The following USP47 variants were observed in gnomAD, a reference collection of about 807,000 sequenced individuals.
USP47 encodes the protein ubiquitin specific peptidase 47, also known as ubiquitin carboxyl-terminal hydrolase 47.
A neutral mutation model predicts 165.1 loss-of-function variants in USP47; 35 were observed. That is an observed-to-expected ratio of 0.21 (90% CI 0.16 to 0.28). The LOEUF is 0.28. Ranked by LOEUF, USP47 falls within the 10% of genes least tolerant of loss-of-function variation. The pLI, the probability that USP47 is intolerant of heterozygous loss-of-function variation, is 1.00. For missense variants in USP47, 1,277 were observed against 1,607.4 expected (o/e 0.79, Z 3.52); for synonymous variants, 531 against 544.5 (o/e 0.98, Z 0.35).
At chr11:11,913,849 A>G (rs1336900562) in intron 8 of USP47, among the ~76,000 whole-genome samples, 1 of 152,148 alleles carries the variant, frequency 6.6e-6, no homozygotes, top group Non-Finnish European at 1.5e-5. Context: ...CTATGCATGT[A>G]TCAAGTATCA....
intron 25 of USP47, among the ~76,000 whole-genome samples, chr11:11,953,630 C>T (rs1856364647): frequency 1.3e-5 from 2 of 152,134 alleles, no homozygotes; most frequent in Middle Eastern, 6.8e-3. Context: ...TTATTTGAAG[C>T]AGTTATTAAA....
chr11:11,866,715 A>G (rs1054755036), intron 1 of USP47, among the ~76,000 whole-genome samples: 1 of 152,038 alleles, frequency 6.6e-6, no homozygotes, highest in Admixed American at 6.6e-5. Flanking sequence ...CATTCCTGAT[A>G]GATATTTTTG....
At position 11,897,703 on chromosome 11, in the gene USP47, C is replaced by CA. The variant is rs1183224069; in HGVS notation, c.593+17dup. ...GGAATGCATTATATAAGTGAGTATTCAAAAAAATTGTATACATAAAATTGA... is the reference window on the plus strand; with the variant it reads ...GGAATGCATTATATAAGTGAGTATTCAAAAAAAATTGTATACATAAAATTGA... On this transcript the variant is annotated intron_variant, in intron 5 of 27. Coordinates refer to ENST00000527733, the MANE Select transcript of USP47 (RefSeq NM_001282659.2). 20 of 1,538,524 alleles carry CA rather than the reference C, an allele frequency of 1.3e-5. No homozygotes were observed. The highest frequency in any genetic ancestry group is 1.9e-5 in the Admixed American group (1 of 51,804).
chr11:11,877,320 A>G (rs1240794588), intron 1 of USP47, among the ~76,000 whole-genome samples: 3 of 152,182 alleles, frequency 2.0e-5, no homozygotes, highest in Non-Finnish European at 4.4e-5. Flanking sequence ...TGAAGTCCAC[A>G]TGTTATATTA....
At chr11:11,858,488 T>C (rs1013926419) in intron 1 of USP47, among the ~76,000 whole-genome samples, 2 of 152,214 alleles carry the variant, frequency 1.3e-5, no homozygotes, top group African/African-American at 4.8e-5. Flanking sequence ...AGTCAAAATA[T>C]AGAATATATC....
At chr11:11,922,667 G>A in intron 10 of USP47, 57 bp from the exon 11 acceptor site, 2 of 1,443,722 alleles carry the variant, frequency 1.4e-6, no homozygotes, top group African/African-American at 1.4e-5. Flanking sequence ...ACAAAGTTTT[G>A]TTGAACATAT....
intron 1 of USP47, among the ~76,000 whole-genome samples, chr11:11,879,972 C>T (rs963978817): frequency 2.0e-5 from 3 of 151,918 alleles, no homozygotes; most frequent in Non-Finnish European, 4.4e-5. Context: ...TTGATTCTTC[C>T]AAAACAAACA....
chr11:11,932,988 T>A lies in USP47; in HGVS notation c.1652-16T>A. The A allele has an allele frequency of 6.2e-7, 1 of 1,601,768 alleles. No individual in the cohort carries two copies. Among genetic ancestry groups the A allele is most frequent in the Non-Finnish European group, 8.5e-7 (1 of 1,170,822 alleles). ...GTTTCAGTGACACTGTCTTATCCTG[T>A]TTTTATTACTAATAGAATTTCTAGA... On this transcript the variant is annotated splice_polypyrimidine_tract_variant and intron_variant, in intron 14 of 27. Coordinates refer to ENST00000527733, the MANE Select transcript of USP47 (RefSeq NM_001282659.2).
At chr11:11,891,471 T>C (rs1027579725) in intron 3 of USP47, among the ~76,000 whole-genome samples, 7 of 152,266 alleles carry the variant, frequency 4.6e-5, no homozygotes, top group Admixed American at 1.3e-4. Context: ...CTGAGTGACA[T>C]TGAAATCTAA....
chr11:11,860,964 G>C (rs1390077011), intron 1 of USP47, among the ~76,000 whole-genome samples: 1 of 152,144 alleles, frequency 6.6e-6, no homozygotes. Flanking sequence ...GAAGGCCTCT[G>C]TTATTTAGAA....
At chr11:11,953,432 A>G (rs1350150715) in intron 25 of USP47, among the ~76,000 whole-genome samples, 1 of 152,110 alleles carries the variant, frequency 6.6e-6, no homozygotes, top group Non-Finnish European at 1.5e-5. Context: ...ACTAGGTGAA[A>G]ATATGTAAAA....
intron 20 of USP47, among the ~76,000 whole-genome samples, chr11:11,944,955 T>G (rs1248109785): frequency 6.6e-6 from 1 of 152,210 alleles, no homozygotes; most frequent in Non-Finnish European, 1.5e-5. Context: ...TTGAAAAGTC[T>G]CATTTCCATC....
At position 11,948,669 on chromosome 11, in the gene USP47, T is replaced by A. The variant is rs981790176; in HGVS notation, c.3348+111T>A. On this transcript the variant is annotated intron_variant, in intron 22 of 27. Transcript: ENST00000527733. ...TTCTCTGAAGCAAAGGTCAGCAAAT[T>A]TTTTCTGGGCCTTGCAGTTTAGCAG... 2.4e-5 allele frequency: 24 copies of A among 1,013,548 alleles called. No individual in the cohort carries two copies. The African/African-American group carries it at 3.3e-4, about 14-fold the overall frequency. The allele number at this position is 1,013,548 out of a possible 1,614,324, so 62.8% of individuals were successfully genotyped here. A position where few individuals can be genotyped will look rare whatever the true frequency, so the allele number is the denominator to read the frequency against.
chr11:11,883,386 A>G (rs1325205519), intron 2 of USP47, among the ~76,000 whole-genome samples: 3 of 152,202 alleles, frequency 2.0e-5, no homozygotes, highest in Non-Finnish European at 4.4e-5. Context: ...TCTATGAGGT[A>G]GATGCTACTA....
chr11:11,950,397 T>C lies in USP47; in HGVS notation c.3498T>C (p.Pro1166=), dbSNP rs1168349684. ...TAAGGAAAAAAACATGGAAGAATCC[T>C]GGCACTGTCTTTTTGGATTATCATA... ...FRLRKKTWKN[P]GTVFLDYHIY... is the part of the protein sequence containing the mutation. Residue 1166 remains proline, a synonymous_variant, in exon 24 of 28, where the codon CCT becomes CCC. Transcript: ENST00000527733. 6.2e-6 allele frequency: 10 copies of C among 1,606,374 alleles called. No individual in the cohort carries two copies. The highest frequency in any genetic ancestry group is 1.7e-5 in the Admixed American group (1 of 58,674).
intron 10 of USP47, 125 bp from the exon 11 acceptor site, chr11:11,922,597 CAA>C (rs1853912992): frequency 2.9e-6 from 2 of 690,436 alleles, no homozygotes; most frequent in Non-Finnish European, 4.2e-6. Flanking sequence ...TAAATGTACT[CAA>C]AGTAAAATAT....
chr11:11,895,265 G>A (rs367594068), intron 4 of USP47, among the ~76,000 whole-genome samples: 2 of 151,850 alleles, frequency 1.3e-5, no homozygotes, highest in Non-Finnish European at 2.9e-5. Context: ...GTCTTTGTTC[G>A]CATTTACTGT....
chr11:11,876,591 C>T (rs1243385651), intron 1 of USP47, among the ~76,000 whole-genome samples: 2 of 152,192 alleles, frequency 1.3e-5, no homozygotes, highest in African/African-American at 4.8e-5. Context: ...TCTAGAATTA[C>T]TTGGCTCCAT....
At chr11:11,865,821 T>G (rs1309091690) in intron 1 of USP47, among the ~76,000 whole-genome samples, 2 of 152,222 alleles carry the variant, frequency 1.3e-5, no homozygotes, top group African/African-American at 4.8e-5. Flanking sequence ...TATTTTTACA[T>G]ATTCTTTGGA....
Sources: allele counts gnomAD v4.1 joint callset (sites outside exome capture counted in the v4.1 genomes callset), GRCh38; gene constraint gnomAD v4.1.1; transcripts MANE v1.5; gene names NCBI Gene and HGNC (gene_info 2026-07-23, HGNC 2026-07-21).